Variants in ANO1 observed in about 807,000 individuals in gnomAD.
ANO1 encodes the protein anoctamin 1.
ANO1 carries 59 observed loss-of-function variants against 124.0 expected under a neutral mutation model. The observed-to-expected ratio is 0.48, with a 90% CI of 0.39 to 0.59. The LOEUF (loss-of-function observed/expected upper bound fraction) is 0.59, where lower values mean the gene tolerates loss of function less well. ANO1 is among the 20% of genes least tolerant of loss of function. The pLI is 0.00. For synonymous variants in ANO1, 529 were observed against 532.0 expected (o/e 0.99, Z 0.08); for missense variants, 1,059 against 1,328.0 (o/e 0.80, Z 3.15).
chr11:70,115,326 G>A (rs923593991), intron 7 of ANO1, among the ~76,000 whole-genome samples: 1 of 151,942 alleles, frequency 6.6e-6, no homozygotes, highest in Non-Finnish European at 1.5e-5. Flanking sequence ...AAAACCCATT[G>A]GCCAGGCCAG....
the ANO1 span, among the ~76,000 whole-genome samples, chr11:69,970,782 G>A: frequency 2.6e-5 from 4 of 152,218 alleles, no homozygotes; most frequent in Non-Finnish European, 5.9e-5. Flanking sequence ...TCCCAAGGCT[G>A]GTAGGGGCCT....
chr11:70,065,586 C>G (rs1457752674), intron 1 of ANO1, among the ~76,000 whole-genome samples: 1 of 151,712 alleles, frequency 6.6e-6, no homozygotes, highest in African/African-American at 2.4e-5. Flanking sequence ...CGTCGTCCCT[C>G]TAGTTGGCCT....
At chr11:70,010,986 C>T (rs1305941215) in intron 1 of ANO1, among the ~76,000 whole-genome samples, 1 of 152,256 alleles carries the variant, frequency 6.6e-6, no homozygotes. Flanking sequence ...AGTGCCTGAA[C>T]AGATGTCTAC....
intron 2 of ANO1, among the ~76,000 whole-genome samples, chr11:70,096,766 C>T (rs540676500): frequency 2.0e-5 from 3 of 152,040 alleles, no homozygotes; most frequent in Admixed American, 6.5e-5. Context: ...GAGGCTGAGG[C>T]GGGAGAATTG....
chr11:70,171,554 T>C (rs1187755424), intron 22 of ANO1, among the ~76,000 whole-genome samples: 2 of 152,236 alleles, frequency 1.3e-5, no homozygotes, highest in African/African-American at 4.8e-5. Context: ...ATGGCTTGCC[T>C]GTAGGGATCA....
intron 7 of ANO1, among the ~76,000 whole-genome samples, chr11:70,115,643 C>A (rs1306293120): frequency 6.6e-6 from 1 of 151,434 alleles, no homozygotes; most frequent in African/African-American, 2.4e-5. Context: ...AACAAACAAA[C>A]AAAAAAAACT....
upstream of ANO1, among the ~76,000 whole-genome samples, chr11:70,073,476 A>T (rs1591076224): frequency 6.6e-6 from 1 of 152,184 alleles, no homozygotes; most frequent in East Asian, 1.9e-4. Context: ...AGCGCTGCGC[A>T]GCTGCTTGTT....
At chr11:70,102,147 T>A (rs1381044569) in intron 2 of ANO1, among the ~76,000 whole-genome samples, 1 of 152,206 alleles carries the variant, frequency 6.6e-6, no homozygotes, top group Non-Finnish European at 1.5e-5. Flanking sequence ...GGGCCATCTT[T>A]GCATCTGATC....
At chr11:70,170,519 G>C (rs1456045305) in intron 21 of ANO1, among the ~76,000 whole-genome samples, 1 of 152,226 alleles carries the variant, frequency 6.6e-6, no homozygotes. Context: ...TTGAGCCTGG[G>C]AGGTCAAGGC....
chr11:70,153,825 G>T (rs1463976950), intron 14 of ANO1, among the ~76,000 whole-genome samples: 2 of 152,100 alleles, frequency 1.3e-5, no homozygotes, highest in African/African-American at 4.8e-5. Context: ...GACTGCAATG[G>T]CATGATCTCG....
intron 1 of ANO1, among the ~76,000 whole-genome samples, chr11:70,052,006 C>A (rs1457344293): frequency 1.3e-5 from 2 of 152,170 alleles, no homozygotes; most frequent in African/African-American, 4.8e-5. Context: ...ATTCTAGAAG[C>A]TTTATGGTTG....
At chr11:70,104,993 A>G (rs1456648903) in intron 4 of ANO1, among the ~76,000 whole-genome samples, 1 of 152,062 alleles carries the variant, frequency 6.6e-6, no homozygotes, top group Non-Finnish European at 1.5e-5. Flanking sequence ...AGAGAGAAGG[A>G]AGCAACCCCC....
intron 1 of ANO1, among the ~76,000 whole-genome samples, chr11:70,013,568 C>A (rs139751988): frequency 0.051 from 7,724 of 152,016 alleles, 649 homozygotes; most frequent in African/African-American, 0.17. Flanking sequence ...CACCTGAGGC[C>A]AGGAGTTTGA....
At chr11:69,971,005 G>C in the ANO1 span, among the ~76,000 whole-genome samples, 17 of 152,352 alleles carry the variant, frequency 1.1e-4, no homozygotes, top group African/African-American at 3.8e-4. Context: ...TGGCTGCAGA[G>C]AACAGGACAT....
Position 70,145,873 on chromosome 11 carries a change from G to T in ANO1, c.1259-3837G>T, listed in dbSNP as rs142854286. 1.7e-3 allele frequency among the ~76,000 whole-genome samples: 249 copies of T among 148,818 alleles called. 7 individuals are homozygous for T. The East Asian group carries it at 0.042, about 25-fold the overall frequency. On this transcript the variant is annotated intron_variant, in intron 11 of 25. Transcript: ENST00000355303. ...AATTACTTGAACTCAGGAGGCAGAC[G>T]TTGCAGTGAGCTGAGATCACACCAC... is the stretch of plus-strand genomic sequence containing the variant.
chr11:70,171,144 C>G, intron 22 of ANO1, 105 bp downstream of exon 22: 1 of 1,425,884 alleles, frequency 7.0e-7, no homozygotes, highest in Non-Finnish European at 9.4e-7. Context: ...CCAGGTGTCC[C>G]TCCTGGGGCT....
intron 2 of ANO1, among the ~76,000 whole-genome samples, chr11:70,094,094 G>A (rs912933083): frequency 5.3e-5 from 8 of 152,234 alleles, no homozygotes; most frequent in African/African-American, 1.4e-4. Context: ...GCTGGCCAGC[G>A]TTGGCTGTAA....
At chr11:70,088,111 T>TG in intron 2 of ANO1, 27 bp downstream of exon 2, 2 of 38,012 alleles carry the variant, frequency 5.3e-5, no homozygotes, top group Non-Finnish European at 1.3e-4. Flanking sequence ...GCGCTGTTTG[T>TG]GGGGGGTGGG....
intron 11 of ANO1, among the ~76,000 whole-genome samples, chr11:70,140,388 G>A (rs538322623): frequency 5.9e-5 from 9 of 152,110 alleles, no homozygotes; most frequent in East Asian, 1.9e-4. Flanking sequence ...AAAATTAGCC[G>A]AGCGTGGTGG....
Sources: allele counts gnomAD v4.1 joint callset (sites outside exome capture counted in the v4.1 genomes callset), GRCh38; gene constraint gnomAD v4.1.1; transcripts MANE v1.5; gene names NCBI Gene and HGNC (gene_info 2026-07-23, HGNC 2026-07-21).